SNX29: variants seen among roughly 807,000 people sequenced by gnomAD.
SNX29 encodes the protein sorting nexin-29.
SNX29 carries 78 observed loss-of-function variants against 102.1 expected under a neutral mutation model. The ratio of observed to expected loss-of-function variants is 0.76; its 90% confidence interval spans 0.64 to 0.92. SNX29 has a LOEUF of 0.92. Among genes scored for constraint, SNX29 ranks in the 40% least tolerant of loss-of-function variants. SNX29 has a pLI of 0.00. For synonymous variants in SNX29, 580 were observed against 414.5 expected (o/e 1.40, Z -4.85); for missense variants, 1,280 against 1,061.7 (o/e 1.21, Z -2.86).
chr16:12,049,215 G>A (rs1031627878), intron 7 of SNX29, among the ~76,000 whole-genome samples: 2 of 152,172 alleles, frequency 1.3e-5, no homozygotes, highest in Admixed American at 6.5e-5. Context: ...CAGGCCGGTC[G>A]TGGTGGCTCA....
intron 15 of SNX29, among the ~76,000 whole-genome samples, chr16:12,351,319 A>G (rs2081986610): frequency 6.6e-6 from 1 of 152,210 alleles, no homozygotes; most frequent in Non-Finnish European, 1.5e-5. Flanking sequence ...CCTCCCCACA[A>G]CCAGAGTAAA....
At chr16:12,179,179 A>T (rs185442250) in intron 13 of SNX29, among the ~76,000 whole-genome samples, 1 of 152,344 alleles carries the variant, frequency 6.6e-6, no homozygotes, top group Non-Finnish European at 1.5e-5. Context: ...ATTGCCAAGA[A>T]CATATAAAAA....
At chr16:12,182,244 G>C (rs550642484) in intron 13 of SNX29, among the ~76,000 whole-genome samples, 1 of 140,398 alleles carries the variant, frequency 7.1e-6, no homozygotes, top group Non-Finnish European at 1.5e-5. Context: ...AAATTATTCT[G>C]CTGTCACTGT....
chr16:12,061,017 C>T (rs938195994), intron 8 of SNX29, among the ~76,000 whole-genome samples: 35 of 152,144 alleles, frequency 2.3e-4, no homozygotes, highest in Admixed American at 3.9e-4. Context: ...CATTTCGGAA[C>T]GTGGAGCAGA....
intron 16 of SNX29, chr16:12,374,913 G>T (rs1002132931): frequency 1.3e-5 from 2 of 152,154 alleles, no homozygotes; most frequent in African/African-American, 4.8e-5. Context: ...CTGGCTTTCT[G>T]TTTGCTAGAG....
intron 18 of SNX29, among the ~76,000 whole-genome samples, chr16:12,441,687 A>C (rs2085814612): frequency 6.6e-6 from 1 of 152,122 alleles, no homozygotes; most frequent in Non-Finnish European, 1.5e-5. Flanking sequence ...CATGTCTAAG[A>C]ATCCTTTGCC....
rs201615463 is a variant in SNX29 at position 12,398,525 on chromosome 16, A to C, written c.1955+24A>C. On this transcript the variant is annotated intron_variant, in intron 17 of 20. Coordinates refer to ENST00000566228, the MANE Select transcript of SNX29 (RefSeq NM_032167.5). ...ATGTAAGTCCACAGCCTGTGCTCAC[A>C]AGGGGTCCTTTAGAAACTGGACTCT... 1.4e-5 allele frequency: 22 copies of C among 1,613,752 alleles called. No individual in the cohort carries two copies. In the South Asian group the frequency reaches 1.8e-4, roughly 13 times the overall value.
intron 18 of SNX29, among the ~76,000 whole-genome samples, chr16:12,422,569 G>A (rs1567547417): frequency 6.6e-6 from 1 of 152,164 alleles, no homozygotes; most frequent in Non-Finnish European, 1.5e-5. Flanking sequence ...TCTTCCCTGG[G>A]CTCCTTGTCC....
At chr16:12,323,324 T>C (rs2081017419) in intron 15 of SNX29, among the ~76,000 whole-genome samples, 1 of 152,146 alleles carries the variant, frequency 6.6e-6, no homozygotes, top group South Asian at 2.1e-4. Context: ...AGTCGTGAGT[T>C]GTGCTGTCTG....
At chr16:12,496,983 G>A (rs2088859759) in intron 19 of SNX29, among the ~76,000 whole-genome samples, 1 of 152,202 alleles carries the variant, frequency 6.6e-6, no homozygotes, top group Admixed American at 6.5e-5. Flanking sequence ...CCTCACCACT[G>A]TTGGGAAGGG....
intron 15 of SNX29, among the ~76,000 whole-genome samples, chr16:12,343,728 A>G (rs1426104483): frequency 1.3e-5 from 2 of 152,056 alleles, no homozygotes; most frequent in African/African-American, 4.8e-5. Context: ...GGGCAGGGGC[A>G]GGGGCAGGGT....
In SNX29 at chr16:12,391,182, G is replaced by T. The variant is rs1339388455; in HGVS notation, c.1900-7264G>T. ...ACTGGCCTTAGACTCCTGGGCCCAAGCGATCCTCCTGCATTGGCCTCCTGA... is the reference window on the plus strand; with the variant it reads ...ACTGGCCTTAGACTCCTGGGCCCAATCGATCCTCCTGCATTGGCCTCCTGA... On this transcript the variant is annotated intron_variant, in intron 16 of 20. Transcript: ENST00000566228. Among the ~76,000 whole-genome samples the T allele has an allele frequency of 3.3e-5, 5 of 152,114 alleles. No homozygotes were observed. In the East Asian group the frequency reaches 9.7e-4, roughly 29 times the overall value.
chr16:12,002,474 G>C (rs890786149), intron 2 of SNX29, among the ~76,000 whole-genome samples: 3 of 151,010 alleles, frequency 2.0e-5, no homozygotes, highest in Non-Finnish European at 4.4e-5. Context: ...GGAGTAGCCT[G>C]CTTCTATTTT....
At chr16:12,288,918 T>C (rs1009584468) in intron 15 of SNX29, among the ~76,000 whole-genome samples, 5 of 152,146 alleles carry the variant, frequency 3.3e-5, no homozygotes, top group Admixed American at 2.0e-4. Context: ...GTTGGTACTC[T>C]TCCCATCGCC....
chr16:12,068,830 C>T (rs773423683), intron 9 of SNX29, among the ~76,000 whole-genome samples: 5 of 152,146 alleles, frequency 3.3e-5, no homozygotes, highest in Non-Finnish European at 5.9e-5. Flanking sequence ...CCGCCATGCC[C>T]GGCCAAGTAT....
intron 20 of SNX29, among the ~76,000 whole-genome samples, chr16:12,557,129 A>G (rs1412076692): frequency 6.6e-6 from 1 of 151,716 alleles, no homozygotes; most frequent in Non-Finnish European, 1.5e-5. Flanking sequence ...GATTAGACAC[A>G]GGAGTCACTG....
At chr16:12,488,434 C>G (rs551331107) in intron 19 of SNX29, among the ~76,000 whole-genome samples, 2 of 149,280 alleles carry the variant, frequency 1.3e-5, no homozygotes, top group Non-Finnish European at 3.0e-5. Flanking sequence ...GTTCTTCCTT[C>G]CCGCAGTCCC....
chr16:12,402,921 A>G (rs913883933), intron 17 of SNX29, among the ~76,000 whole-genome samples: 3 of 152,022 alleles, frequency 2.0e-5, no homozygotes, highest in Admixed American at 6.6e-5. Context: ...CCTTGTTGCC[A>G]TGAGTGTTGG....
At chr16:12,296,449 C>A (rs1013732909) in intron 15 of SNX29, among the ~76,000 whole-genome samples, 1 of 152,194 alleles carries the variant, frequency 6.6e-6, no homozygotes, top group Admixed American at 6.5e-5. Flanking sequence ...TGTAGCACTT[C>A]ACATGTCTTG....
Sources: allele counts gnomAD v4.1 joint callset (sites outside exome capture counted in the v4.1 genomes callset), GRCh38; gene constraint gnomAD v4.1.1; transcripts MANE v1.5; gene names NCBI Gene and HGNC (gene_info 2026-07-23, HGNC 2026-07-21).